PCDHA8: variants seen among roughly 807,000 people sequenced by gnomAD.
PCDHA8 encodes protocadherin alpha 8.
Under a neutral mutation model 61.8 loss-of-function variants are expected in PCDHA8, and 53 were observed. The observed-to-expected ratio is 0.86, with a 90% CI of 0.69 to 1.08. The LOEUF is 1.08. Ranked by LOEUF, PCDHA8 falls within the 50% of genes least tolerant of loss-of-function variation. The pLI is 0.00. For missense variants in PCDHA8, 1,293 were observed against 1,245.0 expected, an observed-to-expected ratio of 1.04 and a Z score of -0.58; for synonymous variants, 618 against 556.6, an observed-to-expected ratio of 1.11 and a Z score of -1.55.
intron 1 of PCDHA8, chr5:140,849,768 G>C (rs2150449044): frequency 6.3e-7 from 1 of 1,598,502 alleles, no homozygotes; most frequent in East Asian, 2.2e-5. Context: ...CGAGCTGGTG[G>C]TTACCGCGCG....
At chr5:140,931,044 CT>C (rs781930381) in intron 1 of PCDHA8, among the ~76,000 whole-genome samples, 67 of 152,264 alleles carry the variant, frequency 4.4e-4, no homozygotes, top group South Asian at 2.7e-3. Flanking sequence ...GCAAGAAAAA[CT>C]TCAATGCTGT....
At chr5:140,978,851 C>T (rs2096826375) in intron 1 of PCDHA8, 98 bp from the exon 2 acceptor site, 2 of 1,578,528 alleles carry the variant, frequency 1.3e-6, no homozygotes, top group South Asian at 2.3e-5. Flanking sequence ...TTTTTAGATG[C>T]CTGGAAATAT....
At chr5:140,898,956 T>C (rs1352076218) in intron 1 of PCDHA8, among the ~76,000 whole-genome samples, 4 of 152,130 alleles carry the variant, frequency 2.6e-5, no homozygotes, top group Admixed American at 2.6e-4. Context: ...GAAGCAGTTG[T>C]GAATGGGAGT....
chr5:140,929,064 T>A (rs550251743), intron 1 of PCDHA8: 1 of 1,614,162 alleles, frequency 6.2e-7, no homozygotes, highest in South Asian at 1.1e-5. Context: ...CTACAGAGGA[T>A]CTGAGGTATG....
At chr5:140,941,241 T>TTCTTTCTTTCTTTCTTTCTTTC in intron 1 of PCDHA8, among the ~76,000 whole-genome samples, 2 of 140,458 alleles carry the variant, frequency 1.4e-5, no homozygotes, top group South Asian at 4.5e-4. Context: ...CTTTCTTTCT[T>TTCTTTCTTTCTTTCTTTCTTTC]TCTTTCTTTC....
At chr5:140,925,866 G>A (rs952823745) in intron 1 of PCDHA8, among the ~76,000 whole-genome samples, 2 of 152,002 alleles carry the variant, frequency 1.3e-5, no homozygotes, top group Admixed American at 1.3e-4. Flanking sequence ...TATTGCTATT[G>A]ACTGGTTTAT....
Position 141,009,653 on chromosome 5 carries a change from C to T in PCDHA8, c.2569C>T (p.Pro857Ser). ...ACCAGAGGCAGGAGAAGTGTCCCCTCCAGTCGGTGCGGGTGTCAACAGCAA... is the reference window on the plus strand; with the variant it reads ...ACCAGAGGCAGGAGAAGTGTCCCCTTCAGTCGGTGCGGGTGTCAACAGCAA... The part of the protein sequence containing the change: ...PEPEAGEVSP[P>S]VGAGVNSNSW... The change falls in exon 4 of 4, where the codon CCA becomes TCA. Residue 857 changes from proline (P) to serine (S), a missense_variant. Physicochemically the swap from Pro to Ser is moderately conservative, Grantham distance 74. Transcript: ENST00000531613. 1 of 1,613,998 alleles carries T rather than the reference C, an allele frequency of 6.2e-7. No individual in the cohort carries two copies. The highest frequency in any genetic ancestry group is 8.5e-7 in the Non-Finnish European group (1 of 1,179,950).
intron 1 of PCDHA8, chr5:140,865,770 T>C (rs1554159611): frequency 6.6e-6 from 1 of 152,200 alleles, no homozygotes; most frequent in Non-Finnish European, 1.5e-5. Context: ...GGAGATATTA[T>C]TCAAATGTGT....
intron 3 of PCDHA8, among the ~76,000 whole-genome samples, chr5:141,003,829 A>G (rs1220753607): frequency 1.3e-5 from 2 of 152,184 alleles, no homozygotes; most frequent in Admixed American, 6.5e-5. Flanking sequence ...GGCTCTGCCT[A>G]ACGATTCAGA....
At chr5:140,877,631 C>A (rs1220029307) in intron 1 of PCDHA8, 2 of 1,613,768 alleles carry the variant, frequency 1.2e-6, no homozygotes, top group South Asian at 1.1e-5. Flanking sequence ...CTGTACACTG[C>A]GCTGCGTTGC....
Position 140,978,951 on chromosome 5 carries a change from A to G in PCDHA8, c.2397A>G (p.Pro799=). Residue 799 remains proline, a splice_region_variant and synonymous_variant, in exon 2 of 4, where the codon CCA becomes CCG. Coordinates refer to ENST00000531613, the MANE Select transcript of PCDHA8 (RefSeq NM_018911.3). ...QDLNVDHGLK[P]RQPNPDWRYS... ...AAACTCTCTTTGTGATTTTGCAGCC[A>G]CGACAGCCCAACCCTGACTGGCGTT... is the stretch of plus-strand genomic sequence containing the variant. 1.2e-6 allele frequency: 2 copies of G among 1,614,182 alleles called. No homozygotes were observed. The highest frequency in any genetic ancestry group is 1.7e-6 in the Non-Finnish European group (2 of 1,180,032).
chr5:140,909,011 T>G (rs998704146), intron 1 of PCDHA8, among the ~76,000 whole-genome samples: 1 of 152,170 alleles, frequency 6.6e-6, no homozygotes, highest in Non-Finnish European at 1.5e-5. Flanking sequence ...AGGTAGAAGG[T>G]TCCTGAATTT....
intron 1 of PCDHA8, among the ~76,000 whole-genome samples, chr5:140,942,637 A>C (rs1175766630): frequency 6.6e-6 from 1 of 152,178 alleles, no homozygotes; most frequent in African/African-American, 2.4e-5. Context: ...AAAATGGCAA[A>C]AGAGATCTCA....
intron 3 of PCDHA8, among the ~76,000 whole-genome samples, chr5:141,006,275 G>C (rs782763386): frequency 6.6e-6 from 1 of 151,772 alleles, no homozygotes; most frequent in Non-Finnish European, 1.5e-5. Flanking sequence ...GCAGTGGCAC[G>C]ATCTCAGCTC....
intron 1 of PCDHA8, among the ~76,000 whole-genome samples, chr5:140,957,658 G>T (rs2095373813): frequency 6.6e-6 from 1 of 151,932 alleles, no homozygotes; most frequent in Non-Finnish European, 1.5e-5. Flanking sequence ...TTCAATCATG[G>T]AGTAAAAATT....
At chr5:141,003,328 G>C (rs941196932) in intron 3 of PCDHA8, among the ~76,000 whole-genome samples, 1 of 152,102 alleles carries the variant, frequency 6.6e-6, no homozygotes, top group Admixed American at 6.5e-5. Flanking sequence ...AGAGGGCAGG[G>C]TTTTTTGTTT....
chr5:140,915,222 C>T (rs2153533644), intron 1 of PCDHA8, among the ~76,000 whole-genome samples: 1 of 152,292 alleles, frequency 6.6e-6, no homozygotes, highest in South Asian at 2.1e-4. Context: ...GCTGGGATTA[C>T]AGGCATGAGC....
chr5:140,843,397 G>A lies in PCDHA8; in HGVS notation c.2076G>A (p.Ala692=), dbSNP rs2150359226. 4 of 1,596,068 alleles carry A rather than the reference G, an allele frequency of 2.5e-6. No homozygotes were observed. In the East Asian group the frequency reaches 6.7e-5, roughly 27 times the overall value. The change falls in exon 1 of 4, where the codon GCG becomes GCA. Residue 692 remains alanine (A), a synonymous_variant. Coordinates refer to ENST00000531613, the MANE Select transcript of PCDHA8 (RefSeq NM_018911.3). ...CTGGCGTTTTGGGTCCGGAAGCGGC[G>A]CTGGTGGATGTCAACGTGTACCTGA... is the stretch of plus-strand genomic sequence containing the variant. ...QSAGVLGPEA[A]LVDVNVYLII... is the part of the protein sequence containing the mutation.
intron 1 of PCDHA8, chr5:140,871,625 ATGTC>A (rs1304722830): frequency 2.1e-6 from 3 of 1,403,018 alleles, no homozygotes; most frequent in Non-Finnish European, 2.8e-6. Context: ...TTAGATAACA[ATGTC>A]TGTTCATAAA....
Sources: allele counts gnomAD v4.1 joint callset (sites outside exome capture counted in the v4.1 genomes callset), GRCh38; gene constraint gnomAD v4.1.1; transcripts MANE v1.5; gene names NCBI Gene and HGNC (gene_info 2026-07-23, HGNC 2026-07-21).